Variants in PRKCSH observed in about 807,000 individuals in gnomAD.
PRKCSH encodes the protein PRKCSH beta subunit of glucosidase II, also known as glucosidase 2 subunit beta.
PRKCSH carries 42 observed loss-of-function variants against 79.7 expected under a neutral mutation model. The observed-to-expected ratio is 0.53, with a 90% CI of 0.41 to 0.68. The LOEUF (loss-of-function observed/expected upper bound fraction) is 0.68. Ranked by LOEUF, PRKCSH falls within the 30% of genes least tolerant of loss-of-function variation. The pLI is 0.00. For synonymous variants in PRKCSH, 325 were observed against 288.2 expected (o/e 1.13, Z -1.29); for missense variants, 686 against 709.0 (o/e 0.97, Z 0.37).
chr19:11,445,995 G>A (rs1970278760), intron 8 of PRKCSH: 1 of 573,694 alleles, frequency 1.7e-6, no homozygotes, highest in Non-Finnish European at 3.1e-6. Flanking sequence ...CCGGGTCCTG[G>A]GGTGGAAGGA....
At chr19:11,437,802 C>T (rs1159301814) in intron 3 of PRKCSH, 74 bp from the exon 4 acceptor site, 2 of 1,327,524 alleles carry the variant, frequency 1.5e-6, no homozygotes, top group East Asian at 4.6e-5. Flanking sequence ...GTCAGGGGCT[C>T]TTATCTGTGG....
intron 5 of PRKCSH, 77 bp downstream of exon 5, chr19:11,438,201 T>C: frequency 6.7e-7 from 1 of 1,485,238 alleles, no homozygotes; most frequent in Non-Finnish European, 9.3e-7. Context: ...TCGGGCCCAC[T>C]CTCTCTTCTG....
At chr19:11,443,039 AT>A (rs1329205114) in intron 7 of PRKCSH, among the ~76,000 whole-genome samples, 4 of 151,728 alleles carry the variant, frequency 2.6e-5, no homozygotes, top group African/African-American at 9.7e-5. Flanking sequence ...AGATTTTGTT[AT>A]ATGACTTTAG....
chr19:11,447,555 G>A lies in PRKCSH; in HGVS notation c.966G>A (p.Glu322=), dbSNP rs77563879. 90 of 1,320,758 alleles carry A rather than the reference G, an allele frequency of 6.8e-5. No individual in the cohort carries two copies. The highest frequency in any genetic ancestry group is 8.0e-5 in the Non-Finnish European group (75 of 938,710). The allele number at this position is 1,320,758 out of a possible 1,614,324, so 81.8% of individuals were successfully genotyped here. A position where few individuals can be genotyped will look rare whatever the true frequency, so the allele number is the denominator to read the frequency against. ...TEEEEEEEEE[E]EEEAEEEEEE... is the part of the protein sequence containing the mutation. Reference sequence around the variant, plus strand: ...AGGAGGAGGAGGAGGAGGAGGAGGAGGAAGAAGAGGCTGAAGAAGAGGAGG... The same window carrying A: ...AGGAGGAGGAGGAGGAGGAGGAGGAAGAAGAAGAGGCTGAAGAAGAGGAGG... The change falls in exon 11 of 18, where the codon GAG becomes GAA. Residue 322 remains glutamate (E), a synonymous_variant. Transcript: ENST00000677123. The surrounding 1 kb of genome is among the most constrained non-coding windows in gnomAD (Gnocchi z 5.6).
intron 5 of PRKCSH, among the ~76,000 whole-genome samples, chr19:11,440,652 C>T (rs1481472098): frequency 1.3e-5 from 2 of 151,628 alleles, no homozygotes; most frequent in African/African-American, 2.4e-5. Context: ...AGGGTTTCAC[C>T]ATCTTGGCCA....
chr19:11,449,577 C>T lies in PRKCSH; in HGVS notation c.*16+149C>T. On this transcript the variant is annotated intron_variant, in intron 17 of 17. Transcript: ENST00000677123. This position sits in a 1 kb window ranked among gnomAD's most constrained non-coding sequence, Gnocchi z 6.4. Reference sequence around the variant, plus strand: ...TGTTTTTTTGAGGTGGAGTCTCACTCTTTGGCCCAGGCTGGAGTGCAGTGA... The same window carrying T: ...TGTTTTTTTGAGGTGGAGTCTCACTTTTTGGCCCAGGCTGGAGTGCAGTGA... 1.8e-6 allele frequency: 2 copies of T among 1,093,408 alleles called. No homozygotes were observed. Among genetic ancestry groups the T allele is most frequent in the Non-Finnish European group, 2.6e-6 (2 of 765,094 alleles). 67.7% of individuals were successfully genotyped at this position (1,093,408 alleles called of 1,614,324 possible).
At chr19:11,446,694 G>A (rs1436688246) in intron 9 of PRKCSH, among the ~76,000 whole-genome samples, 2 of 151,176 alleles carry the variant, frequency 1.3e-5, no homozygotes, top group Admixed American at 6.6e-5. Context: ...GTGGCCCCTG[G>A]CTTCTGGCCT....
At chr19:11,443,408 G>A (rs940127660) in intron 7 of PRKCSH, among the ~76,000 whole-genome samples, 9 of 152,056 alleles carry the variant, frequency 5.9e-5, no homozygotes, top group Non-Finnish European at 1.2e-4. Flanking sequence ...AGCTGGACAT[G>A]GTGGTGTGTG....
At chr19:11,446,618 C>T (rs900996490) in intron 9 of PRKCSH, among the ~76,000 whole-genome samples, 2 of 150,644 alleles carry the variant, frequency 1.3e-5, no homozygotes, top group African/African-American at 4.9e-5. Flanking sequence ...CCTGTCCTGC[C>T]CTATTCCCCT....
chr19:11,436,233 G>C, intron 2 of PRKCSH, 37 bp downstream of exon 2: 1 of 1,600,530 alleles, frequency 6.2e-7, no homozygotes, highest in Non-Finnish European at 8.5e-7. Context: ...CAGGCTGGAG[G>C]TGGGAGGGGC....
In PRKCSH at chr19:11,442,394, C is replaced by T. The variant is rs759494525; in HGVS notation, c.477C>T (p.Leu159=). 3 of 1,602,562 alleles carry T rather than the reference C, an allele frequency of 1.9e-6. No individual in the cohort carries two copies. Among genetic ancestry groups the T allele is most frequent in the Admixed American group, 1.7e-5 (1 of 58,756 alleles). ...KKAREEKQKK[L]IELQAGKKSL... is the part of the protein sequence containing the mutation. Reference sequence around the variant, plus strand: ...GCCTTCTGCCCACCCAGAAAAAGCTCATTGAGCTACAGGCTGGGAAGAAGT... The same window carrying T: ...GCCTTCTGCCCACCCAGAAAAAGCTTATTGAGCTACAGGCTGGGAAGAAGT... Residue 159 remains leucine, a synonymous_variant, in exon 7 of 18, where the codon CTC becomes CTT. Coordinates refer to ENST00000677123, the MANE Select transcript of PRKCSH (RefSeq NM_001289104.2).
intron 9 of PRKCSH, among the ~76,000 whole-genome samples, chr19:11,446,790 G>A (rs1257354363): frequency 1.3e-5 from 2 of 152,014 alleles, no homozygotes; most frequent in Admixed American, 1.3e-4. Flanking sequence ...GCCCTCTCTG[G>A]TCCTGGGCTC....
In PRKCSH at chr19:11,443,450, CAGG is replaced by C. The variant is rs556327004; in HGVS notation, c.598+938_598+940del. Among the ~76,000 whole-genome samples, 518 of 151,800 alleles carry C rather than the reference CAGG, an allele frequency of 3.4e-3. 4 individuals carry two copies. The highest frequency in any genetic ancestry group is 0.01 in the Middle Eastern group (3 of 294). The stretch of plus-strand genomic sequence containing the variant: ...ATCCCAGCTACTCGGGAGGCTAAGG[CAGG>C]AGAATTGCTTGAACCAGGAAGTTGG... On this transcript the variant is annotated intron_variant, in intron 7 of 17. Coordinates refer to ENST00000677123, the MANE Select transcript of PRKCSH (RefSeq NM_001289104.2).
At chr19:11,437,762 C>T in intron 3 of PRKCSH, 114 bp from the exon 4 acceptor site, 1 of 964,184 alleles carries the variant, frequency 1.0e-6, no homozygotes, top group Non-Finnish European at 1.7e-6. Flanking sequence ...CTTTGGTTTC[C>T]TTTCCTTTCT....
chr19:11,447,728 C>G lies in PRKCSH; in HGVS notation c.1065C>G (p.Ala355=), dbSNP rs1461571882. The G allele has an allele frequency of 6.3e-7, 1 of 1,594,350 alleles. No individual in the cohort carries two copies. Among genetic ancestry groups the G allele is most frequent in the Non-Finnish European group, 8.5e-7 (1 of 1,170,502 alleles). Residue 355 remains alanine, a synonymous_variant, in exon 12 of 18, where the codon GCC becomes GCG. Transcript: ENST00000677123. The surrounding 1 kb of genome is among the most constrained non-coding windows in gnomAD (Gnocchi z 5.6). ...APPPLSPPQP[A]SPAEEDKMPP... ...CGCCACTGTCACCCCCGCAGCCGGCCAGCCCTGCTGAGGAAGACAAAATGC... is the reference window on the plus strand; with the variant it reads ...CGCCACTGTCACCCCCGCAGCCGGCGAGCCCTGCTGAGGAAGACAAAATGC...
rs34351170 is a variant in PRKCSH at position 11,449,092 on chromosome 19, A to G, written c.1378A>G (p.Ile460Val). 11,897 of 1,613,504 alleles carry G rather than the reference A, an allele frequency of 7.4e-3. 59 individuals are homozygous for G. The highest frequency in any genetic ancestry group is 0.013 in the South Asian group (1,180 of 91,080). The change falls in exon 16 of 18, where the codon ATT becomes GTT. Residue 460 changes from isoleucine (I) to valine (V), a missense_variant. Physicochemically the swap from Ile to Val is conservative, Grantham distance 29. Around this residue, in one of 2 missense-constraint regions of PRKCSH, gnomAD observed 137 missense variants for 188.8 expected, o/e 0.73. Transcript: ENST00000677123. The surrounding 1 kb of genome is among the most constrained non-coding windows in gnomAD (Gnocchi z 6.4). ...PTSLGTWGSW[I>V]GPDHDKFSAM... ...CTCTCACAGCACCTGGGGCTCATGG[A>G]TTGGCCCCGACCACGACAAGTTCAG...
In PRKCSH at chr19:11,448,526, G is replaced by A. The variant is rs141301073; in HGVS notation, c.1197-14G>A. On this transcript the variant is annotated splice_polypyrimidine_tract_variant and intron_variant, in intron 13 of 17. Transcript: ENST00000677123. The surrounding 1 kb of genome is among the most constrained non-coding windows in gnomAD (Gnocchi z 4.4). ...TCCCCAGCTGCCCCTTAACCGCTCC[G>A]CCTCCCCTTCCAGGAACCTGGAGCA... 1.4e-5 allele frequency: 22 copies of A among 1,612,600 alleles called. No individual in the cohort carries two copies. Among genetic ancestry groups the A allele is most frequent in the Middle Eastern group, 1.7e-4 (1 of 6,058 alleles).
chr19:11,436,939 C>T (rs549104567), intron 3 of PRKCSH, among the ~76,000 whole-genome samples: 1 of 152,132 alleles, frequency 6.6e-6, no homozygotes, highest in East Asian at 1.9e-4. Flanking sequence ...CTCACTGCAG[C>T]CTGGAACTCT....
rs551887667 is a variant in PRKCSH, at chr19:11,444,643, C to T, written c.599-746C>T. Among the ~76,000 whole-genome samples the T allele has an allele frequency of 4.6e-5, 7 of 152,294 alleles. No homozygotes were observed. In the South Asian group the frequency reaches 1.4e-3, roughly 32 times the overall value. On this transcript the variant is annotated intron_variant, in intron 7 of 17. Transcript: ENST00000677123. Reference sequence around the variant, plus strand: ...TACAGTAGGAAGTTAATCATTGGAGCCGCTGTTGTGGCTGCTTTCCGCTCT... The same window carrying T: ...TACAGTAGGAAGTTAATCATTGGAGTCGCTGTTGTGGCTGCTTTCCGCTCT...
Sources: gnomAD v4.1 joint callset for allele counts (sites outside exome capture counted in the v4.1 genomes callset) on GRCh38, gnomAD v4.1.1 for gene constraint, gnomAD v4.1.1 regional missense constraint, Gnocchi (gnomAD v3.1) non-coding constraint, MANE v1.5 for transcripts, NCBI Gene and HGNC (gene_info 2026-07-23, HGNC 2026-07-21) for gene names.